The following CYB5R4 variants were observed in gnomAD, a reference collection of about 807,000 sequenced individuals.
CYB5R4 encodes the protein N-terminal cytochrome b5 and cytochrome b5 oxidoreductase domain-containing protein.
In CYB5R4, 55 loss-of-function variants were observed where a neutral mutation model predicts 70.2. The ratio of observed to expected loss-of-function variants is 0.78; its 90% CI spans 0.63 to 0.98. CYB5R4 has a LOEUF of 0.98. CYB5R4 is among the 50% of genes least tolerant of loss of function. CYB5R4 has a pLI of 0.00. For synonymous variants in CYB5R4, 197 were observed against 199.5 expected, an observed-to-expected ratio of 0.99 and a Z score of 0.11; for missense variants, 562 against 612.6, an observed-to-expected ratio of 0.92 and a Z score of 0.87.
intron 15 of CYB5R4, among the ~76,000 whole-genome samples, chr6:83,957,622 CAAAAAAAAAA>C (rs34196225): frequency 1.0e-4 from 7 of 66,922 alleles, no homozygotes; most frequent in African/African-American, 2.9e-4. Context: ...AACTCTGTCT[CAAAAAAAAAA>C]AAAAAAAAAA....
chr6:83,907,424 A>C (rs748060904), intron 3 of CYB5R4, among the ~76,000 whole-genome samples: 3 of 152,088 alleles, frequency 2.0e-5, no homozygotes, highest in Admixed American at 6.5e-5. Context: ...GAGTCTGAAT[A>C]ATCAGTTTGT....
chr6:83,921,105 A>C lies in CYB5R4; in HGVS notation c.588A>C (p.Ile196=). The C allele has an allele frequency of 6.5e-7, 1 of 1,527,026 alleles. No individual in the cohort carries two copies. Among genetic ancestry groups the C allele is most frequent in the Non-Finnish European group, 8.9e-7 (1 of 1,122,782 alleles). The allele number at this position is 1,527,026 out of a possible 1,614,324, so 94.6% of individuals were successfully genotyped here. A position where few individuals can be genotyped will look rare whatever the true frequency, so the allele number is the denominator to read the frequency against. The change falls in exon 8 of 16, where the codon ATA becomes ATC. Residue 196 remains isoleucine (I), a synonymous_variant. Transcript: ENST00000369681. ...AGGATATCAATTTAGACTCAATAAT[A>C]GTTGATCATCAGAATGATTCCTTTA... The part of the protein sequence containing the change: ...KQKDINLDSI[I]VDHQNDSFRA...
intron 4 of CYB5R4, 113 bp downstream of exon 4, chr6:83,909,203 T>G: frequency 1.3e-6 from 1 of 761,536 alleles, no homozygotes. Context: ...GTAATTTTCA[T>G]TGGCCTCCTG....
At chr6:83,860,247 C>G (rs138792719) in intron 1 of CYB5R4, among the ~76,000 whole-genome samples, 211 of 152,220 alleles carry the variant, frequency 1.4e-3, no homozygotes, top group African/African-American at 4.8e-3. Context: ...AGGAGTTGTA[C>G]CACATCACTC....
intron 4 of CYB5R4, 96 bp from the exon 5 acceptor site, chr6:83,914,320 A>C: frequency 1.5e-6 from 2 of 1,316,232 alleles, no homozygotes; most frequent in Non-Finnish European, 2.0e-6. Context: ...CCTTCAAAAA[A>C]GAAGGGATGT....
intron 4 of CYB5R4, among the ~76,000 whole-genome samples, chr6:83,913,733 ATT>A (rs2099465054): frequency 6.6e-6 from 1 of 152,050 alleles, no homozygotes; most frequent in South Asian, 2.1e-4. Context: ...CTACTTGAAT[ATT>A]TTTTGTTAGC....
At chr6:83,928,576 C>A (rs1029116435) in intron 10 of CYB5R4, among the ~76,000 whole-genome samples, 9 of 152,100 alleles carry the variant, frequency 5.9e-5, no homozygotes, top group African/African-American at 2.2e-4. Flanking sequence ...CATATTGTGC[C>A]AAGCATTTTG....
chr6:83,921,648 G>A (rs1256199272), intron 8 of CYB5R4, among the ~76,000 whole-genome samples: 1 of 152,096 alleles, frequency 6.6e-6, no homozygotes, highest in East Asian at 1.9e-4. Flanking sequence ...GACCAACTTT[G>A]TATTTTTTTA....
At chr6:83,892,962 G>A (rs1588566558) in intron 2 of CYB5R4, among the ~76,000 whole-genome samples, 1 of 152,182 alleles carries the variant, frequency 6.6e-6, no homozygotes, top group South Asian at 2.1e-4. Context: ...TGAGAGTAGA[G>A]GCACTGTCTT....
rs2099461472 is a variant in CYB5R4, at chr6:83,893,765, A to G, written c.330+143A>G. 5.7e-6 allele frequency: 3 copies of G among 529,890 alleles called. No homozygotes were observed. The South Asian group carries it at 8.6e-5, about 15-fold the overall frequency. The allele number at this position is 529,890 out of a possible 1,614,324, so 32.8% of individuals were successfully genotyped here. A position where few individuals can be genotyped will look rare whatever the true frequency, so the allele number is the denominator to read the frequency against. On this transcript the variant is annotated intron_variant, in intron 3 of 15. Coordinates refer to ENST00000369681, the MANE Select transcript of CYB5R4 (RefSeq NM_016230.4). ...TTTTGAAGTGTGGGAAGATGCTCAC[A>G]AGTAGCAGCTGTTCATTTAATTTGC...
At chr6:83,875,126 T>G (rs2129130165) in intron 2 of CYB5R4, among the ~76,000 whole-genome samples, 1 of 152,284 alleles carries the variant, frequency 6.6e-6, no homozygotes, top group South Asian at 2.1e-4. Flanking sequence ...CGGCCGTCTT[T>G]ATTCTTAAGT....
At chr6:83,930,539 T>C (rs2099467987) in intron 10 of CYB5R4, among the ~76,000 whole-genome samples, 1 of 152,164 alleles carries the variant, frequency 6.6e-6, no homozygotes, top group Admixed American at 6.6e-5. Context: ...TTGCAGCAAT[T>C]CAGTCAAATC....
intron 2 of CYB5R4, among the ~76,000 whole-genome samples, chr6:83,892,322 CTTCTT>C (rs1241614713): frequency 2.0e-5 from 3 of 152,088 alleles, no homozygotes; most frequent in Non-Finnish European, 2.9e-5. Flanking sequence ...AATCCAACCT[CTTCTT>C]TTCTTCCAAG....
chr6:83,900,058 T>C (rs1188843377), intron 3 of CYB5R4, among the ~76,000 whole-genome samples: 1 of 152,188 alleles, frequency 6.6e-6, no homozygotes, highest in Non-Finnish European at 1.5e-5. Flanking sequence ...ATTGTGATGT[T>C]AGGGTGTCAA....
chr6:83,953,515 C>T (rs187359132), intron 14 of CYB5R4, among the ~76,000 whole-genome samples: 3 of 151,908 alleles, frequency 2.0e-5, no homozygotes, highest in East Asian at 3.9e-4. Flanking sequence ...AAGCTGGGGC[C>T]CCAAGTACTC....
intron 2 of CYB5R4, among the ~76,000 whole-genome samples, chr6:83,878,986 C>T (rs923386308): frequency 1.3e-5 from 2 of 152,106 alleles, no homozygotes; most frequent in Admixed American, 1.3e-4. Context: ...ATTGCTCTTC[C>T]CCCTCTCCAA....
intron 2 of CYB5R4, among the ~76,000 whole-genome samples, chr6:83,866,623 T>C (rs1367434788): frequency 1.3e-5 from 2 of 152,106 alleles, no homozygotes; most frequent in Admixed American, 6.5e-5. Flanking sequence ...TTGTTTTTTT[T>C]TTTTATAAAG....
At chr6:83,872,044 A>AT (rs1427141911) in intron 2 of CYB5R4, among the ~76,000 whole-genome samples, 3 of 151,892 alleles carry the variant, frequency 2.0e-5, no homozygotes, top group South Asian at 2.1e-4. Context: ...CTAGTTTAAG[A>AT]TTTTTTTTCT....
chr6:83,879,693 G>T (rs1396431283), intron 2 of CYB5R4, among the ~76,000 whole-genome samples: 1 of 152,062 alleles, frequency 6.6e-6, no homozygotes, highest in East Asian at 1.9e-4. Context: ...TGCTACCAGT[G>T]GGCCTTTCTC....
Sources: gnomAD v4.1 joint callset for allele counts (sites outside exome capture counted in the v4.1 genomes callset) on GRCh38, gnomAD v4.1.1 for gene constraint, MANE v1.5 for transcripts, NCBI Gene and HGNC (gene_info 2026-07-23, HGNC 2026-07-21) for gene names.